Variants in ABCC1 observed in about 807,000 individuals in gnomAD.
The protein encoded by ABCC1 is ATP binding cassette subfamily C member 1 (ABCC1 blood group).
In ABCC1, 83 loss-of-function variants were observed where a neutral mutation model predicts 172.9. The observed-to-expected ratio is 0.48, with a 90% confidence interval of 0.40 to 0.58. ABCC1 has a LOEUF of 0.58. Among genes scored for constraint, ABCC1 ranks in the 20% least tolerant of loss-of-function variants. The probability of loss-of-function intolerance (pLI) is 0.00; values close to 1 mark genes in which losing one functional copy is unlikely to be tolerated. For missense variants in ABCC1, 1,817 were observed against 2,002.7 expected (o/e 0.91, Z 1.77); for synonymous variants, 937 against 825.2 (o/e 1.14, Z -2.32).
At chr16:16,075,283 A>G (rs1386314603) in intron 14 of ABCC1, among the ~76,000 whole-genome samples, 1 of 151,906 alleles carries the variant, frequency 6.6e-6, no homozygotes, top group African/African-American at 2.4e-5. Flanking sequence ...GTAAAAGGAA[A>G]ATAACAGGAA....
chr16:16,116,933 C>T (rs918545891), intron 23 of ABCC1, among the ~76,000 whole-genome samples: 1 of 152,128 alleles, frequency 6.6e-6, no homozygotes, highest in African/African-American at 2.4e-5. Context: ...GTCTGATAAC[C>T]GATATGGCTA....
In ABCC1 at chr16:16,142,488, C is replaced by A. The variant is rs1429735599; in HGVS notation, c.*1207C>A. The A allele has an allele frequency of 2.0e-5, 3 of 152,190 alleles. No individual in the cohort carries two copies. The highest frequency in any genetic ancestry group is 2.9e-5 in the Non-Finnish European group (2 of 68,046). The allele number at this position is 152,190 out of a possible 1,614,324, so 9.4% of individuals were successfully genotyped here. A position where few individuals can be genotyped will look rare whatever the true frequency, so the allele number is the denominator to read the frequency against. Reference sequence around the variant, plus strand: ...TTTTCCTTGTTTTTAGATGTTAATTCTCTCCCTTGGCATCCGGTTAGCCCC... The same window carrying A: ...TTTTCCTTGTTTTTAGATGTTAATTATCTCCCTTGGCATCCGGTTAGCCCC... On this transcript the variant is annotated 3_prime_UTR_variant, in exon 31 of 31. Coordinates refer to ENST00000399410, the MANE Select transcript of ABCC1 (RefSeq NM_004996.4).
At chr16:15,970,317 C>T (rs1305312455) in intron 1 of ABCC1, among the ~76,000 whole-genome samples, 1 of 152,202 alleles carries the variant, frequency 6.6e-6, no homozygotes, top group African/African-American at 2.4e-5. Flanking sequence ...AGTAAGGGCA[C>T]AACCTGGAGG....
At chr16:16,034,023 CTTTTTT>C (rs10580146) in intron 6 of ABCC1, among the ~76,000 whole-genome samples, 1 of 86,830 alleles carries the variant, frequency 1.2e-5, no homozygotes, top group Non-Finnish European at 2.1e-5. Context: ...TAAGCATCAT[CTTTTTT>C]TTTTTTTTTT....
At chr16:16,091,904 G>A (rs759765031) in intron 19 of ABCC1, among the ~76,000 whole-genome samples, 1 of 152,178 alleles carries the variant, frequency 6.6e-6, no homozygotes, top group Non-Finnish European at 1.5e-5. Flanking sequence ...TCTCTGCAGA[G>A]GTCCTAGTGA....
chr16:16,042,033 A>G (rs1428170347), intron 7 of ABCC1, among the ~76,000 whole-genome samples: 1 of 151,566 alleles, frequency 6.6e-6, no homozygotes, highest in Non-Finnish European at 1.5e-5. Context: ...GGATTTAAAA[A>G]CCCAGTGCTT....
chr16:16,075,980 G>T (rs1310216132), intron 14 of ABCC1, among the ~76,000 whole-genome samples: 1 of 148,784 alleles, frequency 6.7e-6, no homozygotes, highest in Non-Finnish European at 1.5e-5. Context: ...GAGCTGCCCC[G>T]AACCTGCCTG....
At chr16:16,128,688 T>C (rs1208792350) in intron 26 of ABCC1, among the ~76,000 whole-genome samples, 1 of 152,190 alleles carries the variant, frequency 6.6e-6, no homozygotes, top group Admixed American at 6.5e-5. Flanking sequence ...GATACACTTG[T>C]TGTTTTAAAA....
At chr16:16,050,275 A>G (rs1226383126) in intron 10 of ABCC1, among the ~76,000 whole-genome samples, 1 of 152,104 alleles carries the variant, frequency 6.6e-6, no homozygotes, top group Non-Finnish European at 1.5e-5. Context: ...CCTGGCCAAC[A>G]TGGCAAAACC....
chr16:15,993,566 G>A (rs895743705), intron 1 of ABCC1, among the ~76,000 whole-genome samples: 4 of 152,082 alleles, frequency 2.6e-5, no homozygotes, highest in Admixed American at 6.6e-5. Flanking sequence ...AGAGGCCAGC[G>A]ACGCCACTCA....
At chr16:16,135,998 C>T (rs2045899789) in intron 28 of ABCC1, among the ~76,000 whole-genome samples, 1 of 145,434 alleles carries the variant, frequency 6.9e-6, no homozygotes. Context: ...TTCTGCCAAA[C>T]TCAGACTTTC....
intron 17 of ABCC1, among the ~76,000 whole-genome samples, chr16:16,085,894 A>G (rs766037666): frequency 3.3e-5 from 5 of 152,028 alleles, no homozygotes; most frequent in African/African-American, 7.2e-5. Context: ...CAAATAGGGA[A>G]ACGACGTTGG....
At chr16:15,957,742 G>A (rs1165466988) in intron 1 of ABCC1, among the ~76,000 whole-genome samples, 3 of 152,114 alleles carry the variant, frequency 2.0e-5, no homozygotes, top group Non-Finnish European at 2.9e-5. Flanking sequence ...ACAGGGGCAC[G>A]CCACCACATC....
intron 15 of ABCC1, among the ~76,000 whole-genome samples, chr16:16,076,698 C>G (rs2050588411): frequency 1.3e-5 from 2 of 152,284 alleles, no homozygotes; most frequent in Admixed American, 6.5e-5. Flanking sequence ...CTGGGAAGTT[C>G]TACTTTCAGG....
chr16:16,043,758 T>G (rs546584044), intron 7 of ABCC1, among the ~76,000 whole-genome samples: 104 of 152,214 alleles, frequency 6.8e-4, no homozygotes, highest in Middle Eastern at 3.4e-3. Flanking sequence ...CCTGCCATCA[T>G]GCCCGGCTAA....
intron 23 of ABCC1, among the ~76,000 whole-genome samples, chr16:16,116,200 G>T (rs538688637): frequency 9.2e-5 from 14 of 151,850 alleles, no homozygotes; most frequent in African/African-American, 3.4e-4. Context: ...CACTGCGCCC[G>T]GCCCCTTTCA....
intron 24 of ABCC1, among the ~76,000 whole-genome samples, chr16:16,124,395 G>A (rs2045334514): frequency 7.5e-6 from 1 of 133,250 alleles, no homozygotes; most frequent in African/African-American, 2.7e-5. Flanking sequence ...GTGTGTGTGT[G>A]TGTGTGTGTG....
intron 1 of ABCC1, among the ~76,000 whole-genome samples, chr16:15,991,861 G>T (rs1382982310): frequency 3.3e-5 from 5 of 151,964 alleles, no homozygotes; most frequent in African/African-American, 1.2e-4. Flanking sequence ...TCTCCCCTAG[G>T]ATCTTCTCCT....
At chr16:16,090,176 G>T (rs1053319526) in intron 18 of ABCC1, among the ~76,000 whole-genome samples, 2 of 152,156 alleles carry the variant, frequency 1.3e-5, no homozygotes, top group Non-Finnish European at 2.9e-5. Flanking sequence ...CCAGCTTTTA[G>T]CTCAGCACCT....
Sources: allele counts gnomAD v4.1 joint callset (sites outside exome capture counted in the v4.1 genomes callset), GRCh38; gene constraint gnomAD v4.1.1; transcripts MANE v1.5; gene names NCBI Gene and HGNC (gene_info 2026-07-23, HGNC 2026-07-21).